Variants in PUM2 observed in about 807,000 individuals in gnomAD.
The protein encoded by PUM2 is pumilio homolog 2.
Under a neutral mutation model 124.5 loss-of-function variants are expected in PUM2, and 57 were observed. The ratio of observed to expected loss-of-function variants is 0.46; its 90% CI spans 0.37 to 0.57. PUM2 has a LOEUF of 0.57. Among genes scored for constraint, PUM2 ranks in the 20% least tolerant of loss-of-function variants. PUM2 has a pLI of 0.00. For missense variants in PUM2, 1,065 were observed against 1,290.6 expected (o/e 0.83, Z 2.68); for synonymous variants, 460 against 446.1 (o/e 1.03, Z -0.39).
rs377454163 is a variant in PUM2, at chr2:20,256,269, G to A, written c.2485-99C>T. The A allele has an allele frequency of 4.5e-5, 50 of 1,122,002 alleles. No individual in the cohort carries two copies. In the South Asian group the frequency reaches 8.8e-4, roughly 20 times the overall value. The allele number at this position is 1,122,002 out of a possible 1,614,324, so 69.5% of individuals were successfully genotyped here. A position where few individuals can be genotyped will look rare whatever the true frequency, so the allele number is the denominator to read the frequency against. Reference sequence around the variant, plus strand: ...AAAATTAAAAATATTAAAAATCTCAGTATATTTATCTCAGTATTAAAAATA... The same window carrying A: ...AAAATTAAAAATATTAAAAATCTCAATATATTTATCTCAGTATTAAAAATA... On this transcript the variant is annotated intron_variant, in intron 16 of 20. Transcript: ENST00000361078.
At chr2:20,297,766 G>T in intron 7 of PUM2, 88 bp from the exon 8 acceptor site, 1 of 1,387,590 alleles carries the variant, frequency 7.2e-7, no homozygotes, top group Non-Finnish European at 9.9e-7. Context: ...CTGAATCTGG[G>T]GTGGTGTGGG....
chr2:20,288,255 C>T (rs776530666), intron 10 of PUM2, among the ~76,000 whole-genome samples: 5 of 151,958 alleles, frequency 3.3e-5, no homozygotes, highest in Non-Finnish European at 7.4e-5. Flanking sequence ...GATAAAAAAG[C>T]AATGAGAGGT....
rs1558702239 is a variant in PUM2, at chr2:20,349,033, TTATTC to T, written c.-19+1559_-19+1563del. Among the ~76,000 whole-genome samples the T allele has an allele frequency of 2.0e-5, 3 of 152,240 alleles. No homozygotes were observed. The South Asian group carries it at 6.2e-4, about 31-fold the overall frequency. On this transcript the variant is annotated intron_variant, in intron 1 of 20. Coordinates refer to ENST00000361078, the MANE Select transcript of PUM2 (RefSeq NM_015317.5). ...TACAGTATTTGTAATGCCTGAGAAT[TTATTC>T]TAAAGTGACAGCTTTGTAAGAGCAA... is the stretch of plus-strand genomic sequence containing the variant.
At chr2:20,317,278 A>G (rs1211212567) in intron 3 of PUM2, among the ~76,000 whole-genome samples, 1 of 152,178 alleles carries the variant, frequency 6.6e-6, no homozygotes, top group African/African-American at 2.4e-5. Flanking sequence ...CTTATACACC[A>G]GTTAATTTTC....
At chr2:20,256,385 C>T (rs1475964404) in intron 16 of PUM2, among the ~76,000 whole-genome samples, 2 of 151,910 alleles carry the variant, frequency 1.3e-5, no homozygotes, top group Non-Finnish European at 2.9e-5. Flanking sequence ...TTAGCAGAAA[C>T]CATTGAAAAG....
chr2:20,325,341 C>T (rs146055693), intron 2 of PUM2, among the ~76,000 whole-genome samples: 19 of 152,324 alleles, frequency 1.2e-4, no homozygotes, highest in South Asian at 6.2e-4. Context: ...ACCGTGGTCA[C>T]TTTTACTCTC....
intron 4 of PUM2, 120 bp downstream of exon 4, chr2:20,312,116 T>TA (rs1359996440): frequency 5.2e-5 from 47 of 907,668 alleles, no homozygotes; most frequent in Non-Finnish European, 7.1e-5. Flanking sequence ...CAATAATAGT[T>TA]ACAAAATTTC....
At chr2:20,275,232 A>G (rs73214391) in intron 13 of PUM2, among the ~76,000 whole-genome samples, 5,904 of 152,044 alleles carry the variant, frequency 0.039, 115 homozygotes, top group Middle Eastern at 0.068. Context: ...TAGAACCAAA[A>G]ATAGATATAA....
chr2:20,315,207 T>C (rs1056061654), intron 3 of PUM2, among the ~76,000 whole-genome samples: 1 of 151,380 alleles, frequency 6.6e-6, no homozygotes, highest in Admixed American at 6.6e-5. Flanking sequence ...CTGATAAGGG[T>C]TAAAAAAAAG....
At chr2:20,277,693 C>T (rs1413206020) in intron 13 of PUM2, among the ~76,000 whole-genome samples, 3 of 152,108 alleles carry the variant, frequency 2.0e-5, no homozygotes, top group Non-Finnish European at 4.4e-5. Flanking sequence ...ACTTACAGTA[C>T]ATCTGCTTAC....
At position 20,294,380 on chromosome 2, in the gene PUM2, T is replaced by C; in HGVS notation, c.1148A>G (p.Gln383Arg). Reference protein sequence around the residue: ...QAASQAQPGQQQVLRAGAGQR... With the variant: ...QAASQAQPGQRQVLRAGAGQR... ...CTTAATAGAAGGAAGGCCTACCTGT[T>C]GCTGTCCAGGCTGAGCTTGTGATGC... Residue 383 changes from glutamine to arginine, a missense_variant, in exon 9 of 21, where the codon CAA becomes CGA. Transcript: ENST00000361078. 9.3e-6 allele frequency: 15 copies of C among 1,613,970 alleles called. No homozygotes were observed. Among genetic ancestry groups the C allele is most frequent in the Non-Finnish European group, 1.3e-5 (15 of 1,179,952 alleles).
intron 1 of PUM2, among the ~76,000 whole-genome samples, chr2:20,339,117 T>C (rs941146354): frequency 1.8e-4 from 28 of 152,192 alleles, no homozygotes; most frequent in African/African-American, 6.0e-4. Flanking sequence ...GTTATTTCTA[T>C]AGCTTATTTC....
At chr2:20,343,380 C>G (rs939126324) in intron 1 of PUM2, among the ~76,000 whole-genome samples, 1 of 152,086 alleles carries the variant, frequency 6.6e-6, no homozygotes, top group East Asian at 1.9e-4. Context: ...GGTGACACCA[C>G]TGCACTCCAG....
At chr2:20,257,295 T>C (rs1228280130) in intron 16 of PUM2, among the ~76,000 whole-genome samples, 1 of 152,132 alleles carries the variant, frequency 6.6e-6, no homozygotes, top group Non-Finnish European at 1.5e-5. Context: ...GGAGGAATAA[T>C]AGTATTTTCT....
chr2:20,334,459 A>C (rs1394835338), intron 1 of PUM2, among the ~76,000 whole-genome samples: 4 of 152,214 alleles, frequency 2.6e-5, no homozygotes. Flanking sequence ...CATGGTACTA[A>C]TCACACTTTT....
chr2:20,325,187 GT>G (rs1466559436), intron 2 of PUM2, among the ~76,000 whole-genome samples: 4 of 152,124 alleles, frequency 2.6e-5, no homozygotes, highest in African/African-American at 7.2e-5. Flanking sequence ...ATCTCAGTAG[GT>G]TTTTCTTAGC....
intron 9 of PUM2, among the ~76,000 whole-genome samples, chr2:20,292,175 C>T (rs1218826299): frequency 6.6e-6 from 1 of 151,440 alleles, no homozygotes; most frequent in Non-Finnish European, 1.5e-5. Flanking sequence ...TGCAACTTGC[C>T]CGGGAGGTGG....
intron 9 of PUM2, among the ~76,000 whole-genome samples, chr2:20,293,785 C>A (rs1674810822): frequency 6.6e-6 from 1 of 151,838 alleles, no homozygotes; most frequent in Non-Finnish European, 1.5e-5. Context: ...GTAAGCAATA[C>A]CATGGTGCTT....
At chr2:20,259,008 T>C (rs192255061) in intron 15 of PUM2, among the ~76,000 whole-genome samples, 45 of 152,278 alleles carry the variant, frequency 3.0e-4, no homozygotes, top group Admixed American at 7.2e-4. Context: ...TAGCCATACG[T>C]TGACCACCAA....
Sources: gnomAD v4.1 joint callset for allele counts (sites outside exome capture counted in the v4.1 genomes callset) on GRCh38, gnomAD v4.1.1 for gene constraint, MANE v1.5 for transcripts, NCBI Gene and HGNC (gene_info 2026-07-23, HGNC 2026-07-21) for gene names.